The following ZZEF1 variants were observed in gnomAD, a reference collection of about 807,000 sequenced individuals.
ZZEF1 encodes the protein zinc finger ZZ-type and EF-hand domain containing 1.
In ZZEF1, 157 loss-of-function variants were observed where a neutral mutation model predicts 342.8. The observed-to-expected ratio is 0.46, with a 90% CI of 0.40 to 0.52. The LOEUF (loss-of-function observed/expected upper bound fraction) is 0.52, where lower values mean the gene tolerates loss of function less well. Ranked by LOEUF, ZZEF1 falls within the 20% of genes least tolerant of loss-of-function variation. The pLI is 0.00. For missense variants in ZZEF1, 3,480 were observed against 3,725.6 expected (o/e 0.93, Z 1.72); for synonymous variants, 1,505 against 1,429.1 (o/e 1.05, Z -1.20).
At chr17:4,105,557 CT>C in intron 7 of ZZEF1, 135 bp downstream of exon 7, 2 of 692,544 alleles carry the variant, frequency 2.9e-6, no homozygotes, top group South Asian at 3.4e-5. Flanking sequence ...TATTATGTCA[CT>C]TTCTCTTTAG....
intron 5 of ZZEF1, among the ~76,000 whole-genome samples, chr17:4,111,200 G>T (rs1177064204): frequency 6.7e-6 from 1 of 149,858 alleles, no homozygotes; most frequent in Non-Finnish European, 1.5e-5. Context: ...GCATATATGT[G>T]TGTGTATGTA....
At chr17:4,025,455 G>C (rs888536829) in intron 42 of ZZEF1, among the ~76,000 whole-genome samples, 2 of 152,178 alleles carry the variant, frequency 1.3e-5, no homozygotes, top group Non-Finnish European at 2.9e-5. Context: ...GGGAGGCCAA[G>C]GTGGGTGGAT....
chr17:4,033,206 C>T (rs868850722), intron 40 of ZZEF1: 21 of 502,388 alleles, frequency 4.2e-5, no homozygotes, highest in East Asian at 2.9e-4. Context: ...ACTCACCCTA[C>T]GGCTGTGTTT....
In ZZEF1 at chr17:4,022,719, C is replaced by G. The variant is rs143927439; in HGVS notation, c.7202G>C (p.Arg2401Pro). 1.9e-6 allele frequency: 3 copies of G among 1,613,740 alleles called. No homozygotes were observed. In the East Asian group the frequency reaches 6.7e-5, roughly 36 times the overall value. The part of the protein sequence containing the change: ...GTGFSKTWLL[R>P]DLEILSIMLY... ...CCTCTCGTCTCTTACTTCCAGGTCC[C>G]GGAGGAGCCACGTTTTACTAAAGCC... Residue 2401 changes from arginine (R) to proline (P), a missense_variant, in exon 44 of 55, where the codon CGG (arginine) becomes CCG (proline). Physicochemically the swap from Arg to Pro is moderately radical, Grantham distance 103. Transcript: ENST00000381638.
chr17:4,073,378 C>T (rs972180915), intron 24 of ZZEF1, among the ~76,000 whole-genome samples: 1 of 152,126 alleles, frequency 6.6e-6, no homozygotes. Context: ...AAGTTTTATT[C>T]TGTAATTCTT....
intron 34 of ZZEF1, among the ~76,000 whole-genome samples, chr17:4,053,675 G>A (rs2057096431): frequency 1.3e-5 from 2 of 152,208 alleles, no homozygotes; most frequent in Admixed American, 1.3e-4. Flanking sequence ...TTTTACCTCA[G>A]CACCTAGAAG....
intron 26 of ZZEF1, 129 bp downstream of exon 26, chr17:4,070,555 C>T: frequency 8.6e-7 from 1 of 1,159,670 alleles, no homozygotes; most frequent in Non-Finnish European, 1.2e-6. Flanking sequence ...GTAGAACCAA[C>T]AAGATGATGT....
At chr17:4,123,268 C>CATATATATATATAT (rs60101709) in intron 2 of ZZEF1, among the ~76,000 whole-genome samples, 35 of 85,322 alleles carry the variant, frequency 4.1e-4, no homozygotes, top group Non-Finnish European at 5.9e-4. Context: ...TTATCATAAC[C>CATATATATATATAT]ATATATATAT....
Position 4,086,527 on chromosome 17 carries a change from C to T in ZZEF1, c.2471G>A (p.Gly824Glu), listed in dbSNP as rs781694660. Residue 824 changes from glycine to glutamate, a missense_variant, in exon 15 of 55, where the codon GGA becomes GAA. Physicochemically the swap from Gly to Glu is moderately conservative, Grantham distance 98. This residue lies in a region of ZZEF1 where 1,528 missense variants were observed against 1,624.1 expected (regional missense o/e 0.94). Coordinates refer to ENST00000381638, the MANE Select transcript of ZZEF1 (RefSeq NM_015113.4). ...EEKAPIQSPK[G>E]VEAAKELYTH... ...GTACAGCTCCTTGGCAGCCTCTACT[C>T]CTTTAGGGCTTTGGATTGGAGCCTT... is the stretch of plus-strand genomic sequence containing the variant. The T allele has an allele frequency of 1.2e-4, 196 of 1,614,108 alleles. No individual in the cohort carries two copies. Among genetic ancestry groups the T allele is most frequent in the Non-Finnish European group, 1.6e-4 (190 of 1,180,048 alleles).
intron 2 of ZZEF1, among the ~76,000 whole-genome samples, chr17:4,123,279 ATATATATATATATATATATATAT>A (rs2058516311): frequency 1.1e-5 from 1 of 91,104 alleles, no homozygotes; most frequent in South Asian, 3.5e-4. Flanking sequence ...ATATATATAT[ATATATATATATATATATATATAT>A]ATATATATCA....
chr17:4,125,624 A>T, intron 1 of ZZEF1, among the ~76,000 whole-genome samples: 1 of 152,250 alleles, frequency 6.6e-6, no homozygotes, highest in Non-Finnish European at 1.5e-5. Flanking sequence ...ATTCAAAAGG[A>T]GAGCAGGTAT....
At chr17:4,127,501 A>T (rs1302265593) in intron 1 of ZZEF1, among the ~76,000 whole-genome samples, 1 of 152,220 alleles carries the variant, frequency 6.6e-6, no homozygotes, top group Non-Finnish European at 1.5e-5. Flanking sequence ...GGTTTAGAAC[A>T]AATTAAATTG....
At chr17:4,119,110 A>C (rs1362341634) in intron 2 of ZZEF1, among the ~76,000 whole-genome samples, 1 of 152,230 alleles carries the variant, frequency 6.6e-6, no homozygotes, top group Non-Finnish European at 1.5e-5. Flanking sequence ...AATGGAGAAA[A>C]GGGCATTTGC....
intron 52 of ZZEF1, 74 bp from the exon 53 acceptor site, chr17:4,009,831 A>G (rs2055900243): frequency 6.5e-7 from 1 of 1,533,596 alleles, no homozygotes; most frequent in African/African-American, 1.4e-5. Flanking sequence ...AGCTGGCAGG[A>G]ACCACAGCTC....
intron 3 of ZZEF1, 99 bp from the exon 4 acceptor site, chr17:4,114,569 G>A (rs922471080): frequency 2.8e-5 from 28 of 1,017,180 alleles, no homozygotes; most frequent in Non-Finnish European, 3.2e-5. Flanking sequence ...TGGTACTCTG[G>A]CCCTAGAAAC....
In ZZEF1 at chr17:4,076,668, A is replaced by G; in HGVS notation, c.3203T>C (p.Leu1068Pro). The G allele has an allele frequency of 6.2e-7, 1 of 1,612,954 alleles. No homozygotes were observed. Among genetic ancestry groups the G allele is most frequent in the Non-Finnish European group, 8.5e-7 (1 of 1,179,254 alleles). The change falls in exon 21 of 55, where the codon CTC (leucine) becomes CCC (proline). Residue 1068 changes from leucine (L) to proline (P), a missense_variant. Physicochemically the swap from Leu to Pro is moderately conservative, Grantham distance 98. This residue lies in a region of ZZEF1 where 1,528 missense variants were observed against 1,624.1 expected (regional missense o/e 0.94). Transcript: ENST00000381638. ...CAGTCCTCCTTCGGGGCCACTACAG[A>G]GCTTCTTCAGGAGTTCTGTGAGGAC... ...FSVLTELLKK[L>P]CSGPEGGLRK...
rs770587761 is a variant in ZZEF1, at chr17:4,076,679, G to A, written c.3192C>T (p.Leu1064=). 1 of 1,613,076 alleles carries A rather than the reference G, an allele frequency of 6.2e-7. No individual in the cohort carries two copies. The highest frequency in any genetic ancestry group is 1.3e-5 in the African/African-American group (1 of 74,912). The change falls in exon 21 of 55, where the codon CTC becomes CTT. Residue 1064 remains leucine, a synonymous_variant. Transcript: ENST00000381638. ...LLREFSVLTE[L]LKKLCSGPEG... is the part of the protein sequence containing the mutation. ...CGGGGCCACTACAGAGCTTCTTCAG[G>A]AGTTCTGTGAGGACGCTGAACTCTC... is the stretch of plus-strand genomic sequence containing the variant.
rs150746813 is a variant in ZZEF1, at chr17:4,089,032, C to T, written c.2026-139G>A. On this transcript the variant is annotated intron_variant, in intron 12 of 54. Transcript: ENST00000381638. ...GAAACATTATGCTCAGCACTAGGGA[C>T]ACAAAATATAAGTCCAGCATTTACA... 1,064 of 687,374 alleles carry T rather than the reference C, an allele frequency of 1.5e-3. 6 individuals carry two copies. In the African/African-American group the frequency reaches 0.017, roughly 11 times the overall value. 42.6% of individuals were successfully genotyped at this position (687,374 alleles called of 1,614,324 possible).
chr17:4,101,996 T>C (rs976292213), intron 9 of ZZEF1, among the ~76,000 whole-genome samples: 4 of 152,138 alleles, frequency 2.6e-5, no homozygotes, highest in African/African-American at 4.8e-5. Flanking sequence ...CTGAGTTTCC[T>C]ACCACCTGAA....
Sources: gnomAD v4.1 joint callset for allele counts (sites outside exome capture counted in the v4.1 genomes callset) on GRCh38, gnomAD v4.1.1 for gene constraint, gnomAD v4.1.1 regional missense constraint, MANE v1.5 for transcripts, NCBI Gene and HGNC (gene_info 2026-07-23, HGNC 2026-07-21) for gene names.